Variants in NR4A3 observed in about 807,000 individuals in gnomAD.
NR4A3 encodes chondrosarcoma, extraskeletal myxoid, fused to EWS.
In NR4A3, 13 loss-of-function variants were observed where a neutral mutation model predicts 55.6. That is an observed-to-expected ratio of 0.23 (90% CI 0.15 to 0.37). NR4A3 has a LOEUF of 0.37. Among genes scored for constraint, NR4A3 ranks in the 10% least tolerant of loss-of-function variants. NR4A3 has a pLI of 1.00. For missense variants in NR4A3, 646 were observed against 822.8 expected, an observed-to-expected ratio of 0.79 and a Z score of 2.63; for synonymous variants, 342 against 357.9, an observed-to-expected ratio of 0.96 and a Z score of 0.50.
In NR4A3 at chr9:99,825,137, A is replaced by G. The variant is rs1423298732; in HGVS notation, c.-176-522A>G. 6.6e-6 allele frequency among the ~76,000 whole-genome samples: 1 copy of G among 151,254 alleles called. No homozygotes were observed. Among genetic ancestry groups the G allele is most frequent in the Non-Finnish European group, 1.5e-5 (1 of 67,910 alleles). Reference sequence around the variant, plus strand: ...GCAGACTTTCTTAATTCCTCGGGGCATTCATGCATTCGTTCCGGACCTTGT... The same window carrying G: ...GCAGACTTTCTTAATTCCTCGGGGCGTTCATGCATTCGTTCCGGACCTTGT... On this transcript the variant is annotated intron_variant, in intron 1 of 7. Transcript: ENST00000395097. This position sits in a 1 kb window ranked among gnomAD's most constrained non-coding sequence, Gnocchi z 5.0.
At chr9:99,842,828 T>G (rs1165995377) in intron 5 of NR4A3, among the ~76,000 whole-genome samples, 2 of 152,230 alleles carry the variant, frequency 1.3e-5, no homozygotes, top group African/African-American at 4.8e-5. Context: ...GTCCTGGCTG[T>G]ACCACTATTG....
At chr9:99,863,578 A>G in intron 7 of NR4A3, 42 bp from the exon 8 acceptor site, 1 of 1,589,232 alleles carries the variant, frequency 6.3e-7, no homozygotes. Flanking sequence ...CTTAAGATGT[A>G]TTTGCCTCCT....
At position 99,828,817 on chromosome 9, in the gene NR4A3, C is replaced by T; in HGVS notation, c.775C>T (p.Leu259Phe). The T allele has an allele frequency of 6.8e-7, 1 of 1,474,660 alleles. No individual in the cohort carries two copies. The highest frequency in any genetic ancestry group is 9.0e-7 in the Non-Finnish European group (1 of 1,116,990). 91.3% of individuals were successfully genotyped at this position (1,474,660 alleles called of 1,614,324 possible). A position where few individuals can be genotyped will look rare whatever the true frequency, so the allele number is the denominator to read the frequency against. Residue 259 changes from leucine (L) to phenylalanine (F), a missense_variant, in exon 3 of 8, where the codon CTC becomes TTC. Coordinates refer to ENST00000395097, the MANE Select transcript of NR4A3 (RefSeq NM_006981.4). This position sits in a 1 kb window ranked among gnomAD's most constrained non-coding sequence, Gnocchi z 7.7. ...GGCGGCCCCGCTGGCCTTCCCGCCT[C>T]TCGGCCTCACGCCCTCCCCTACCGC... is the stretch of plus-strand genomic sequence containing the variant. ...KRAAPLAFPP[L>F]GLTPSPTASS...
intron 5 of NR4A3, among the ~76,000 whole-genome samples, chr9:99,838,570 A>G (rs1014767895): frequency 5.3e-5 from 8 of 152,254 alleles, no homozygotes; most frequent in Non-Finnish European, 1.0e-4. Context: ...AGATTAAGCT[A>G]AATTCATTCC....
chr9:99,843,071 T>G (rs1827682354), intron 5 of NR4A3, among the ~76,000 whole-genome samples: 1 of 152,250 alleles, frequency 6.6e-6, no homozygotes, highest in African/African-American at 2.4e-5. Flanking sequence ...TCAGTCTTCC[T>G]GCTTGCAGCA....
At chr9:99,863,498 A>C in intron 7 of NR4A3, 122 bp from the exon 8 acceptor site, 1 of 1,193,618 alleles carries the variant, frequency 8.4e-7, no homozygotes, top group Non-Finnish European at 1.2e-6. Context: ...CAGGGAGGGC[A>C]CTTTGATTGC....
Position 99,862,549 on chromosome 9 carries a change from CAAAAAAAAA to C in NR4A3, c.1634-1045_1634-1037del, listed in dbSNP as rs59274273. Among the ~76,000 whole-genome samples the C allele has an allele frequency of 1.4e-3, 103 of 72,788 alleles. No individual in the cohort carries two copies. In the South Asian group the frequency reaches 0.016, roughly 11 times the overall value. 47.8% of individuals were successfully genotyped at this position (72,788 alleles called of 152,430 possible). ...TAGGCAACAGAGTAAGACTCTGTCT[CAAAAAAAAA>C]AAAAAAAAAAAAAAAAAAAAAAAAA... is the stretch of plus-strand genomic sequence containing the variant. On this transcript the variant is annotated intron_variant, in intron 7 of 7. Transcript: ENST00000395097.
chr9:99,857,755 C>CAAGT (rs71498719), intron 7 of NR4A3, among the ~76,000 whole-genome samples: 1 of 141,306 alleles, frequency 7.1e-6, no homozygotes, highest in South Asian at 2.3e-4. Flanking sequence ...CTCTGTCTCA[C>CAAGT]AAATAAATAA....
chr9:99,837,885 T>C (rs1002353281), intron 5 of NR4A3, among the ~76,000 whole-genome samples: 1 of 152,182 alleles, frequency 6.6e-6, no homozygotes, highest in African/African-American at 2.4e-5. Flanking sequence ...AAGTGAGCAG[T>C]TTTCTCCATT....
intron 5 of NR4A3, among the ~76,000 whole-genome samples, chr9:99,834,403 T>G (rs553105356): frequency 5.3e-5 from 8 of 152,348 alleles, no homozygotes; most frequent in African/African-American, 1.9e-4. Context: ...AGTTTCTATA[T>G]GCTAGACATT....
chr9:99,830,158 G>A (rs1827411222), intron 3 of NR4A3, among the ~76,000 whole-genome samples: 1 of 152,228 alleles, frequency 6.6e-6, no homozygotes, highest in African/African-American at 2.4e-5. Flanking sequence ...GAAAGAGAAA[G>A]CAGGATGCTG....
At chr9:99,860,485 A>G (rs2118172941) in intron 7 of NR4A3, among the ~76,000 whole-genome samples, 1 of 152,366 alleles carries the variant, frequency 6.6e-6, no homozygotes, top group South Asian at 2.1e-4. Flanking sequence ...GTCAGAGGCT[A>G]TGAACGATTT....
chr9:99,853,472 TC>T (rs1382092035), intron 7 of NR4A3, among the ~76,000 whole-genome samples: 3 of 96,858 alleles, frequency 3.1e-5, no homozygotes, highest in East Asian at 6.1e-4. Flanking sequence ...ATGCTATCCC[TC>T]CCCCCTCCCC....
intron 2 of NR4A3, chr9:99,826,826 T>C (rs1036475574): frequency 2.5e-6 from 4 of 1,601,800 alleles, no homozygotes; most frequent in Non-Finnish European, 3.4e-6. Context: ...TCAAAGGAAA[T>C]GTGAAGTATT....
rs59274273 is a variant in NR4A3 at position 99,862,549 on chromosome 9, CAAAAAAAAAA to C, written c.1634-1046_1634-1037del. ...TAGGCAACAGAGTAAGACTCTGTCT[CAAAAAAAAAA>C]AAAAAAAAAAAAAAAAAAAAAAAAG... On this transcript the variant is annotated intron_variant, in intron 7 of 7. Coordinates refer to ENST00000395097, the MANE Select transcript of NR4A3 (RefSeq NM_006981.4). Among the ~76,000 whole-genome samples, 124 of 72,798 alleles carry C rather than the reference CAAAAAAAAAA, an allele frequency of 1.7e-3. 2 individuals are homozygous for C. The Middle Eastern group carries it at 0.023, about 13-fold the overall frequency. The allele number at this position is 72,798 out of a possible 152,430, so 47.8% of individuals were successfully genotyped here.
At chr9:99,855,293 C>T (rs1451683506) in intron 7 of NR4A3, among the ~76,000 whole-genome samples, 6 of 152,110 alleles carry the variant, frequency 3.9e-5, no homozygotes, top group Non-Finnish European at 5.9e-5. Context: ...ATTACTTTAG[C>T]ATTTACAAGT....
intron 5 of NR4A3, among the ~76,000 whole-genome samples, chr9:99,835,675 A>C (rs1276189687): frequency 6.6e-6 from 1 of 152,224 alleles, no homozygotes; most frequent in Non-Finnish European, 1.5e-5. Flanking sequence ...TCCAATTATC[A>C]GTCTACATGG....
Position 99,853,321 on chromosome 9 carries a change from C to CTT in NR4A3, c.1633+5724_1633+5725dup, listed in dbSNP as rs71370971. Among the ~76,000 whole-genome samples, 969 of 123,340 alleles carry CTT rather than the reference C, an allele frequency of 7.9e-3. 9 individuals are homozygous for CTT. The highest frequency in any genetic ancestry group is 0.017 in the African/African-American group (543 of 32,742). 80.9% of individuals were successfully genotyped at this position (123,340 alleles called of 152,430 possible). A position where few individuals can be genotyped will look rare whatever the true frequency, so the allele number is the denominator to read the frequency against. On this transcript the variant is annotated intron_variant, in intron 7 of 7. Transcript: ENST00000395097. ...ATATACACATTGTGTTAGGGAATTTCTTTTTTTTTTTTTTTTTTTATTATA... is the reference window on the plus strand; with the variant it reads ...ATATACACATTGTGTTAGGGAATTTCTTTTTTTTTTTTTTTTTTTTTATTATA...
chr9:99,837,784 G>A (rs1256955921), intron 5 of NR4A3, among the ~76,000 whole-genome samples: 3 of 152,148 alleles, frequency 2.0e-5, no homozygotes, highest in Non-Finnish European at 2.9e-5. Flanking sequence ...GCTTCCCCCA[G>A]TGAGTCAGGT....
Sources: allele counts gnomAD v4.1 joint callset (sites outside exome capture counted in the v4.1 genomes callset), GRCh38; gene constraint gnomAD v4.1.1; non-coding constraint Gnocchi (gnomAD v3.1); transcripts MANE v1.5; gene names NCBI Gene and HGNC (gene_info 2026-07-23, HGNC 2026-07-21).